USP9Y: variants seen among roughly 807,000 people sequenced by gnomAD.
The protein encoded by USP9Y is ubiquitin specific peptidase 9 Y-linked.
In USP9Y, 41 loss-of-function variants were observed where a neutral mutation model predicts 53.1. The observed-to-expected ratio is 0.77, with a 90% CI of 0.60 to 1.00. USP9Y has a LOEUF of 1.00. USP9Y is among the 50% of genes least tolerant of loss of function. The pLI, the probability that USP9Y is intolerant of heterozygous loss-of-function variation, is 0.00. For synonymous variants in USP9Y, 220 were observed against 173.7 expected (o/e 1.27, Z -2.09); for missense variants, 567 against 535.8 (o/e 1.06, Z -0.58).
chrY:12,831,609 C>T (rs2053550861), intron 33 of USP9Y, among the ~76,000 whole-genome samples: 1 of 33,042 alleles, frequency 3.0e-5, no homozygotes, highest in African/African-American at 1.2e-4. Flanking sequence ...ATTAGCTGGG[C>T]GTGGTGGCAT....
chrY:12,776,448 A>G, intron 18 of USP9Y, among the ~76,000 whole-genome samples: 1 of 33,574 alleles, frequency 3.0e-5, no homozygotes, highest in Non-Finnish European at 7.4e-5. Context: ...GCCAACATTC[A>G]CTTTTTAAAA....
Position 12,726,599 on chromosome Y carries a change from C to T in USP9Y, c.463C>T (p.Arg155Cys). Residue 155 changes from arginine (R) to cysteine (C), a missense_variant, in exon 7 of 46, where the codon CGC (arginine) becomes TGC (cysteine). By Grantham distance (180) the Arg-to-Cys change is radical. Coordinates refer to ENST00000338981, the MANE Select transcript of USP9Y (RefSeq NM_004654.4). ...GAGATGTATTATTAACAATACTCAT[C>T]GCCTAGTGGAGCTTTGTGTGGCCAA... is the stretch of plus-strand genomic sequence containing the variant. ...IHRCIINNTHRLVELCVAKLS... is the reference protein window; with the variant it reads ...IHRCIINNTHCLVELCVAKLS... 2.5e-6 allele frequency: 1 copy of T among 397,116 alleles called. No homozygotes were observed. Among genetic ancestry groups the T allele is most frequent in the Non-Finnish European group, 3.5e-6 (1 of 282,111 alleles).
At chrY:12,793,570 G>A (rs2053510711) in intron 27 of USP9Y, among the ~76,000 whole-genome samples, 1 of 32,919 alleles carries the variant, frequency 3.0e-5, no homozygotes, top group Non-Finnish European at 7.5e-5. Flanking sequence ...GCAATATTGT[G>A]CAGTCACTCC....
chrY:12,755,486 C>T, intron 12 of USP9Y, among the ~76,000 whole-genome samples: 1 of 32,862 alleles, frequency 3.0e-5, no homozygotes, highest in Non-Finnish European at 7.5e-5. Flanking sequence ...TTTTGTTACA[C>T]TTAATAATAC....
At chrY:12,767,561 C>T in intron 15 of USP9Y, among the ~76,000 whole-genome samples, 2 of 32,185 alleles carry the variant, frequency 6.2e-5, no homozygotes, top group African/African-American at 2.4e-4. Context: ...AAGTTTGTTT[C>T]TATTGTCATA....
At chrY:12,845,185 G>A (rs2053565400) in intron 39 of USP9Y, among the ~76,000 whole-genome samples, 1 of 33,522 alleles carries the variant, frequency 3.0e-5, no homozygotes, top group African/African-American at 1.2e-4. Flanking sequence ...TGTCTATAAC[G>A]TAGAATGGCT....
In USP9Y at chrY:12,838,054, T is replaced by C. The variant is rs369900758; in HGVS notation, c.5337+2T>C. On this transcript the variant is annotated splice_donor_variant, in intron 35 of 45. Coordinates refer to ENST00000338981, the MANE Select transcript of USP9Y (RefSeq NM_004654.4). LOFTEE classifies it high-confidence loss of function. ...CATTGTGAAAAATGTGATAAAAAGG[T>C]ATTTTTTTTTACTTTTGAAAAATAA... is the stretch of plus-strand genomic sequence containing the variant. 1.6e-5 allele frequency: 6 copies of C among 367,149 alleles called. No homozygotes were observed. Among genetic ancestry groups the C allele is most frequent in the African/African-American group, 6.6e-5 (1 of 15,127 alleles). The allele number at this position is 367,149 out of a possible 400,897, so 91.6% of individuals were successfully genotyped here.
At chrY:12,744,334 T>C in intron 12 of USP9Y, among the ~76,000 whole-genome samples, 2 of 33,917 alleles carry the variant, frequency 5.9e-5, no homozygotes, top group African/African-American at 2.3e-4. Context: ...TTGATATAAC[T>C]GAGGGTTTGT....
chrY:12,854,833 T>C, intron 42 of USP9Y, among the ~76,000 whole-genome samples: 2 of 34,152 alleles, frequency 5.9e-5, no homozygotes, highest in Non-Finnish European at 1.5e-4. Flanking sequence ...TTGTACAAAA[T>C]TAATATTGTC....
At chrY:12,755,902 GT>G (rs2053467782) in intron 12 of USP9Y, among the ~76,000 whole-genome samples, 2 of 33,348 alleles carry the variant, frequency 6.0e-5, no homozygotes, top group African/African-American at 2.3e-4. Context: ...AGAACTCCAA[GT>G]TCCCTATACT....
At chrY:12,739,477 A>G (rs376994180) in intron 11 of USP9Y, 48 bp from the exon 12 acceptor site, 2 of 281,159 alleles carry the variant, frequency 7.1e-6, no homozygotes, top group Non-Finnish European at 5.4e-6. Flanking sequence ...TAAGTATACT[A>G]TAATTTTTTT....
chrY:12,818,724 A>C, intron 33 of USP9Y, 114 bp downstream of exon 33: 1 of 176,053 alleles, frequency 5.7e-6, no homozygotes, highest in Non-Finnish European at 9.9e-6. Context: ...AAACTGTACT[A>C]ATATTCTAAT....
intron 12 of USP9Y, among the ~76,000 whole-genome samples, chrY:12,756,137 A>C: frequency 3.0e-5 from 1 of 32,802 alleles, no homozygotes; most frequent in African/African-American, 1.2e-4. Flanking sequence ...ATCCCAGCTC[A>C]CTACTTGGCC....
At chrY:12,746,560 T>G (rs2053460815) in intron 12 of USP9Y, among the ~76,000 whole-genome samples, 5 of 33,562 alleles carry the variant, frequency 1.5e-4, no homozygotes, top group Non-Finnish European at 3.7e-4. Context: ...TTCAGTTTGC[T>G]TAAACCTTCC....
Position 12,786,338 on chromosome Y carries a change from G to T in USP9Y, c.3282+5G>T. 1 of 398,086 alleles carries T rather than the reference G, an allele frequency of 2.5e-6. No individual in the cohort carries two copies. The highest frequency in any genetic ancestry group is 3.5e-6 in the Non-Finnish European group (1 of 283,136). ...CAAGTTCTATACCTAACAGAGGTTG[G>T]TTTTTGCCTTTGCAAAAATGTAATT... On this transcript the variant is annotated splice_donor_5th_base_variant and intron_variant, in intron 23 of 45. Coordinates refer to ENST00000338981, the MANE Select transcript of USP9Y (RefSeq NM_004654.4).
chrY:12,747,176 C>T, intron 12 of USP9Y, among the ~76,000 whole-genome samples: 1 of 33,995 alleles, frequency 2.9e-5, no homozygotes, highest in South Asian at 6.4e-4. Context: ...ATACATATCA[C>T]ATACATGACT....
At chrY:12,755,301 A>T in intron 12 of USP9Y, among the ~76,000 whole-genome samples, 1 of 30,213 alleles carries the variant, frequency 3.3e-5, no homozygotes, top group African/African-American at 1.3e-4. Context: ...AGCAGCTGGG[A>T]TTACAGACGC....
At chrY:12,716,299 A>G in intron 3 of USP9Y, among the ~76,000 whole-genome samples, 2 of 34,055 alleles carry the variant, frequency 5.9e-5, no homozygotes, top group Non-Finnish European at 7.3e-5. Flanking sequence ...TTATGAGATG[A>G]CCATTGTATA....
chrY:12,853,161 C>T, intron 42 of USP9Y, among the ~76,000 whole-genome samples: 1 of 34,198 alleles, frequency 2.9e-5, no homozygotes, highest in South Asian at 6.5e-4. Flanking sequence ...CTAGAGGCAG[C>T]AGACCTTGCT....
Sources: gnomAD v4.1 joint callset for allele counts (sites outside exome capture counted in the v4.1 genomes callset) on GRCh38, gnomAD v4.1.1 for gene constraint, MANE v1.5 for transcripts, NCBI Gene and HGNC (gene_info 2026-07-23, HGNC 2026-07-21) for gene names.